SGCZ: variants seen among roughly 807,000 people sequenced by gnomAD.
SGCZ encodes the protein zeta-sarcoglycan.
Under a neutral mutation model 41.3 loss-of-function variants are expected in SGCZ, and 40 were observed. That is an observed-to-expected ratio of 0.97 (90% CI 0.75 to 1.26). The LOEUF is 1.26. Among genes scored for constraint, SGCZ ranks in the 50% most tolerant of loss-of-function variants. The pLI is 0.00. For missense variants in SGCZ, 552 were observed against 369.8 expected (o/e 1.49, Z -4.04); for synonymous variants, 206 against 137.5 (o/e 1.50, Z -3.49).
chr8:14,133,270 A>G (rs1803096597), intron 5 of SGCZ, among the ~76,000 whole-genome samples: 1 of 152,196 alleles, frequency 6.6e-6, no homozygotes, highest in Admixed American at 6.5e-5. Flanking sequence ...GAAATTCTCC[A>G]CAATGTTTGC....
intron 1 of SGCZ, among the ~76,000 whole-genome samples, chr8:14,659,503 G>A (rs1218884718): frequency 1.3e-5 from 2 of 151,984 alleles, no homozygotes; most frequent in African/African-American, 2.4e-5. Context: ...ATAAAACAAG[G>A]ACCAGAACAA....
chr8:15,171,859 A>G (rs917389443), intron 1 of SGCZ, among the ~76,000 whole-genome samples: 3 of 152,156 alleles, frequency 2.0e-5, no homozygotes, highest in Non-Finnish European at 4.4e-5. Context: ...CTGCATATTC[A>G]TTGCCAAACG....
chr8:14,968,902 C>T (rs11780537), intron 1 of SGCZ, among the ~76,000 whole-genome samples: 1 of 151,676 alleles, frequency 6.6e-6, no homozygotes, highest in South Asian at 2.1e-4. Flanking sequence ...TTCATTCGAG[C>T]TTTTTTTTCT....
intron 2 of SGCZ, among the ~76,000 whole-genome samples, chr8:14,487,099 G>C (rs1369022616): frequency 6.6e-6 from 1 of 152,174 alleles, no homozygotes; most frequent in Non-Finnish European, 1.5e-5. Context: ...TCCAGGGAAT[G>C]TGGTTCCATA....
chr8:14,505,312 G>A (rs1162149631), intron 2 of SGCZ, among the ~76,000 whole-genome samples: 4 of 152,112 alleles, frequency 2.6e-5, no homozygotes, highest in African/African-American at 9.7e-5. Flanking sequence ...TATGATGCAA[G>A]TGTAAGGACA....
intron 4 of SGCZ, among the ~76,000 whole-genome samples, chr8:14,171,800 A>ATT (rs1307084021): frequency 7.2e-5 from 11 of 152,104 alleles, no homozygotes; most frequent in African/African-American, 2.7e-4. Flanking sequence ...TTATATAAAA[A>ATT]TTATTCTATG....
At chr8:15,088,129 G>A (rs1281961250) in intron 1 of SGCZ, among the ~76,000 whole-genome samples, 2 of 152,044 alleles carry the variant, frequency 1.3e-5, no homozygotes, top group Non-Finnish European at 2.9e-5. Context: ...TTCATAGGCA[G>A]TGCAATATGC....
At chr8:14,907,553 A>C (rs1464533503) in intron 1 of SGCZ, among the ~76,000 whole-genome samples, 1 of 152,236 alleles carries the variant, frequency 6.6e-6, no homozygotes, top group South Asian at 2.1e-4. Context: ...ATAACTAACT[A>C]TTCTTAATAA....
chr8:15,015,349 G>A (rs576838576), intron 1 of SGCZ, among the ~76,000 whole-genome samples: 4 of 152,088 alleles, frequency 2.6e-5, no homozygotes, highest in Non-Finnish European at 5.9e-5. Context: ...GATTATTTAT[G>A]AATGTCTGAA....
At position 14,782,983 on chromosome 8, in the gene SGCZ, C is replaced by T. The variant is rs191915107; in HGVS notation, c.40-228057G>A. ...GCAATAGATTAATGGATATTATAAA[C>T]TTAAATATTCTGCAGAATAATTTAT... On this transcript the variant is annotated intron_variant, in intron 1 of 7. Transcript: ENST00000382080. Among the ~76,000 whole-genome samples the T allele has an allele frequency of 1.9e-3, 284 of 152,212 alleles. 1 individual carries two copies. Among genetic ancestry groups the T allele is most frequent in the South Asian group, 0.012 (56 of 4,830 alleles).
chr8:14,285,978 G>A (rs934245901), intron 3 of SGCZ, among the ~76,000 whole-genome samples: 4 of 152,004 alleles, frequency 2.6e-5, no homozygotes, highest in African/African-American at 9.7e-5. Context: ...TAATGTATGT[G>A]TATCTAAAAG....
chr8:14,373,274 G>A (rs919038756), intron 2 of SGCZ, among the ~76,000 whole-genome samples: 6 of 152,116 alleles, frequency 3.9e-5, no homozygotes, highest in Non-Finnish European at 5.9e-5. Context: ...AGATTTACTG[G>A]AACATCGATG....
chr8:14,745,051 G>T (rs150924440), intron 1 of SGCZ, among the ~76,000 whole-genome samples: 1 of 152,112 alleles, frequency 6.6e-6, no homozygotes, highest in Admixed American at 6.6e-5. Flanking sequence ...TCTGTATAAC[G>T]TAAATGTATT....
intron 5 of SGCZ, among the ~76,000 whole-genome samples, chr8:14,129,345 CAAAAAAAAAA>C (rs534660638): frequency 6.8e-5 from 3 of 44,148 alleles, no homozygotes; most frequent in Non-Finnish European, 1.5e-4. Context: ...GACTCCGTCT[CAAAAAAAAAA>C]AAAAAAAAAA....
At chr8:15,012,734 T>C (rs1802886080) in intron 1 of SGCZ, among the ~76,000 whole-genome samples, 1 of 146,118 alleles carries the variant, frequency 6.8e-6, no homozygotes, top group Non-Finnish European at 1.5e-5. Flanking sequence ...ATATATAAAA[T>C]ATGTTATAGA....
chr8:14,325,400 G>C (rs975517667), intron 2 of SGCZ, among the ~76,000 whole-genome samples: 4 of 150,876 alleles, frequency 2.7e-5, no homozygotes, highest in African/African-American at 9.7e-5. Flanking sequence ...AAATTTGTAG[G>C]CTCAATCCCA....
chr8:15,223,841 AG>A (rs1801684887), intron 1 of SGCZ, among the ~76,000 whole-genome samples: 1 of 147,540 alleles, frequency 6.8e-6, no homozygotes, highest in Non-Finnish European at 1.5e-5. Flanking sequence ...GCCAGCGAAA[AG>A]CTCCTTTTTA....
chr8:14,677,532 A>G (rs1410152757), intron 1 of SGCZ, among the ~76,000 whole-genome samples: 1 of 152,144 alleles, frequency 6.6e-6, no homozygotes, highest in African/African-American at 2.4e-5. Context: ...GCTTTTTGAG[A>G]GGCTGAGGTG....
At chr8:15,147,228 C>A (rs1799058630) in intron 1 of SGCZ, among the ~76,000 whole-genome samples, 1 of 152,290 alleles carries the variant, frequency 6.6e-6, no homozygotes, top group Non-Finnish European at 1.5e-5. Flanking sequence ...ATCATCCTCA[C>A]TCCCCAACCT....
Sources: allele counts gnomAD v4.1 joint callset (sites outside exome capture counted in the v4.1 genomes callset), GRCh38; gene constraint gnomAD v4.1.1; transcripts MANE v1.5; gene names NCBI Gene and HGNC (gene_info 2026-07-23, HGNC 2026-07-21).